The following ZNF26 variants were observed in gnomAD, a reference collection of about 807,000 sequenced individuals.
ZNF26 encodes zinc finger protein 26, also known as epididymis luminal protein 179.
ZNF26 carries 32 observed loss-of-function variants against 54.9 expected under a neutral mutation model. That is an observed-to-expected ratio of 0.58 (90% confidence interval 0.44 to 0.78). The LOEUF is 0.78. ZNF26 is among the 30% of genes least tolerant of loss of function. ZNF26 has a pLI of 0.00. For synonymous variants in ZNF26, 221 were observed against 209.2 expected, an observed-to-expected ratio of 1.06 and a Z score of -0.49; for missense variants, 524 against 634.0, an observed-to-expected ratio of 0.83 and a Z score of 1.86.
At chr12:133,006,321 A>G (rs1953325736) in intron 1 of ZNF26, 1 of 984,938 alleles carries the variant, frequency 1.0e-6, no homozygotes, top group Non-Finnish European at 1.2e-6. Flanking sequence ...TCGTCCAAAC[A>G]CCTCCTGAAT....
At position 133,023,712 on chromosome 12, in the gene ZNF26, C is replaced by T. The variant is rs2137287224; in HGVS notation, c.*12231C>T. 1 of 152,330 alleles carries T rather than the reference C, an allele frequency of 6.6e-6. No homozygotes were observed. The highest frequency in any genetic ancestry group is 1.5e-5 in the Non-Finnish European group (1 of 68,034). The allele number at this position is 152,330 out of a possible 1,614,324, so 9.4% of individuals were successfully genotyped here. On this transcript the variant is annotated 3_prime_UTR_variant, in exon 4 of 4. Coordinates refer to ENST00000328654, the MANE Select transcript of ZNF26 (RefSeq NM_019591.4). ...GCCACTCCTCCCACTTATAGTCTTG[C>T]CCCATCCTTTGAGTTTTGTTGGCTT...
At chr12:133,004,036 A>G (rs1417923836) in intron 1 of ZNF26, among the ~76,000 whole-genome samples, 2 of 151,932 alleles carry the variant, frequency 1.3e-5, no homozygotes, top group Non-Finnish European at 2.9e-5. Context: ...TTATTTTCTA[A>G]TTTGTATTTT....
chr12:132,989,598 A>T (rs894088136), intron 1 of ZNF26, among the ~76,000 whole-genome samples: 17 of 152,328 alleles, frequency 1.1e-4, no homozygotes, highest in Middle Eastern at 3.4e-3. Context: ...AGGTAATTTT[A>T]TACAGTATTT....
chr12:132,994,107 A>ATTCT (rs1374303377), intron 1 of ZNF26, among the ~76,000 whole-genome samples: 1 of 152,174 alleles, frequency 6.6e-6, no homozygotes, highest in East Asian at 1.9e-4. Flanking sequence ...AAAACTCAGA[A>ATTCT]AAGCTTGGGA....
At chr12:132,989,194 G>A (rs1256506296) in intron 1 of ZNF26, among the ~76,000 whole-genome samples, 4 of 151,782 alleles carry the variant, frequency 2.6e-5, no homozygotes, top group Non-Finnish European at 4.4e-5. Flanking sequence ...GTGCCACCAC[G>A]CCCATCTAAT....
intron 1 of ZNF26, among the ~76,000 whole-genome samples, chr12:132,992,402 CT>C (rs1349845021): frequency 6.6e-6 from 1 of 151,516 alleles, no homozygotes; most frequent in Non-Finnish European, 1.5e-5. Flanking sequence ...TCATCTCTGG[CT>C]TATCTTTGAT....
chr12:133,011,004 T>C lies in ZNF26; in HGVS notation c.1125T>C (p.Cys375=). ...ATAATCCTTATCAATGCGGTGAATG[T>C]GGGAAAGCCTTTGGTAGGAAGGAAC... ...TGNNPYQCGE[C]GKAFGRKEQL... is the part of the protein sequence containing the mutation. Residue 375 remains cysteine (C), a synonymous_variant, in exon 4 of 4, where the codon TGT becomes TGC. Coordinates refer to ENST00000328654, the MANE Select transcript of ZNF26 (RefSeq NM_019591.4). 1.2e-6 allele frequency: 2 copies of C among 1,614,178 alleles called. No homozygotes were observed. The highest frequency in any genetic ancestry group is 1.7e-6 in the Non-Finnish European group (2 of 1,180,034).
intron 3 of ZNF26, among the ~76,000 whole-genome samples, chr12:133,007,994 C>T (rs1461054451): frequency 6.6e-6 from 1 of 152,160 alleles, no homozygotes; most frequent in African/African-American, 2.4e-5. Context: ...TGACTTTACA[C>T]ACCTTATACT....
rs1953636689 is a variant in ZNF26 at position 133,021,228 on chromosome 12, C to T, written c.*9747C>T. 1 of 150,768 alleles carries T rather than the reference C, an allele frequency of 6.6e-6. No individual in the cohort carries two copies. The highest frequency in any genetic ancestry group is 1.5e-5 in the Non-Finnish European group (1 of 67,916). 9.3% of individuals were successfully genotyped at this position (150,768 alleles called of 1,614,324 possible). On this transcript the variant is annotated 3_prime_UTR_variant, in exon 4 of 4. Coordinates refer to ENST00000328654, the MANE Select transcript of ZNF26 (RefSeq NM_019591.4). ...CTGCCTCCCGGGTTCAAGTGATTCT[C>T]CAGCCTCAGCCTCCTGGGTTCAAGT...
chr12:133,004,212 T>C (rs1231145409), intron 1 of ZNF26, among the ~76,000 whole-genome samples: 2 of 152,210 alleles, frequency 1.3e-5, no homozygotes, highest in Non-Finnish European at 2.9e-5. Flanking sequence ...TTGATTGTCT[T>C]TAAGTTGTTC....
chr12:133,007,736 G>T (rs911518723), intron 3 of ZNF26, among the ~76,000 whole-genome samples: 4 of 152,172 alleles, frequency 2.6e-5, no homozygotes, highest in Admixed American at 2.0e-4. Flanking sequence ...CCCCCTTACT[G>T]TTGAGAGGCA....
chr12:133,011,291 T>TA lies in ZNF26; in HGVS notation c.1413dup (p.His472ThrfsTer12). ...TACCCTAGGAAGGCATCACTTCAGA[T>TA]ACACCAGAAAACTCATTCGGGAGAG... On this transcript the variant is annotated frameshift_variant, in exon 4 of 4. Coordinates refer to ENST00000328654, the MANE Select transcript of ZNF26 (RefSeq NM_019591.4). LOFTEE classifies it high-confidence loss of function. 6.2e-7 allele frequency: 1 copy of TA among 1,614,096 alleles called. No individual in the cohort carries two copies. Among genetic ancestry groups the TA allele is most frequent in the East Asian group, 2.2e-5 (1 of 44,880 alleles).
chr12:132,987,036 C>T (rs1462782491), intron 1 of ZNF26, among the ~76,000 whole-genome samples, 163 bp downstream of exon 1: 1 of 152,144 alleles, frequency 6.6e-6, no homozygotes, highest in African/African-American at 2.4e-5. Flanking sequence ...CTGAAGCTCG[C>T]CCAAGCTCTG....
rs1283722782 is a variant in ZNF26, at chr12:133,016,060, G to A, written c.*4579G>A. 1 of 147,002 alleles carries A rather than the reference G, an allele frequency of 6.8e-6. No individual in the cohort carries two copies. The highest frequency in any genetic ancestry group is 1.5e-5 in the Non-Finnish European group (1 of 67,448). 9.1% of individuals were successfully genotyped at this position (147,002 alleles called of 1,614,324 possible). A position where few individuals can be genotyped will look rare whatever the true frequency, so the allele number is the denominator to read the frequency against. ...GATCTAAGGTTTATTGTGAAAAAGT[G>A]TAGGGGTAATTTTTTTTTTTTTTTT... is the stretch of plus-strand genomic sequence containing the variant. On this transcript the variant is annotated 3_prime_UTR_variant, in exon 4 of 4. Transcript: ENST00000328654.
chr12:133,018,278 A>G lies in ZNF26; in HGVS notation c.*6797A>G, dbSNP rs1372712488. On this transcript the variant is annotated 3_prime_UTR_variant, in exon 4 of 4. Transcript: ENST00000328654. Reference sequence around the variant, plus strand: ...TCTCTCAGCCTCTTTAAATTATAAAATATATAAAGCAATATTTATAGCAAT... The same window carrying G: ...TCTCTCAGCCTCTTTAAATTATAAAGTATATAAAGCAATATTTATAGCAAT... 2 of 152,220 alleles carry G rather than the reference A, an allele frequency of 1.3e-5. No individual in the cohort carries two copies. Among genetic ancestry groups the G allele is most frequent in the Non-Finnish European group, 2.9e-5 (2 of 68,036 alleles). 9.4% of individuals were successfully genotyped at this position (152,220 alleles called of 1,614,324 possible). A position where few individuals can be genotyped will look rare whatever the true frequency, so the allele number is the denominator to read the frequency against.
rs1953508597 is a variant in ZNF26, at chr12:133,012,666, C to T, written c.*1185C>T. 7.8e-6 allele frequency: 1 copy of T among 128,198 alleles called. No individual in the cohort carries two copies. Among genetic ancestry groups the T allele is most frequent in the Non-Finnish European group, 1.6e-5 (1 of 63,644 alleles). The allele number at this position is 128,198 out of a possible 1,614,324, so 7.9% of individuals were successfully genotyped here. A position where few individuals can be genotyped will look rare whatever the true frequency, so the allele number is the denominator to read the frequency against. ...GGAATGCAATGGCATGATCTCAGCT[C>T]ACTGCAACTTCCACCTCCTGGGTTC... On this transcript the variant is annotated 3_prime_UTR_variant, in exon 4 of 4. Transcript: ENST00000328654.
chr12:132,994,405 C>G (rs1455378849), intron 1 of ZNF26, among the ~76,000 whole-genome samples: 1 of 152,156 alleles, frequency 6.6e-6, no homozygotes, highest in African/African-American at 2.4e-5. Flanking sequence ...GTGGCTACTT[C>G]CAAACTCTTT....
rs1953647907 is a variant in ZNF26, at chr12:133,021,878, A to G, written c.*10397A>G. On this transcript the variant is annotated 3_prime_UTR_variant, in exon 4 of 4. Transcript: ENST00000328654. ...TTCATTATCATTGTGTAAATTCTAT[A>G]TTACTTTTTAAACTTTCATGTTTTG... The G allele has an allele frequency of 6.6e-6, 1 of 152,186 alleles. No homozygotes were observed. Among genetic ancestry groups the G allele is most frequent in the Non-Finnish European group, 1.5e-5 (1 of 68,034 alleles). 9.4% of individuals were successfully genotyped at this position (152,186 alleles called of 1,614,324 possible). A position where few individuals can be genotyped will look rare whatever the true frequency, so the allele number is the denominator to read the frequency against.
Position 133,016,199 on chromosome 12 carries a change from A to G in ZNF26, c.*4718A>G, listed in dbSNP as rs2137272718. ...GTGATTCTCCTGCCTCAGCCTCCTG[A>G]GTAGCTGGGATTACAGGCACCTGCC... On this transcript the variant is annotated 3_prime_UTR_variant, in exon 4 of 4. Coordinates refer to ENST00000328654, the MANE Select transcript of ZNF26 (RefSeq NM_019591.4). The G allele has an allele frequency of 6.7e-6, 1 of 149,396 alleles. No homozygotes were observed. The highest frequency in any genetic ancestry group is 6.8e-5 in the Admixed American group (1 of 14,786). 9.3% of individuals were successfully genotyped at this position (149,396 alleles called of 1,614,324 possible).
Sources: allele counts gnomAD v4.1 joint callset (sites outside exome capture counted in the v4.1 genomes callset), GRCh38; gene constraint gnomAD v4.1.1; transcripts MANE v1.5; gene names NCBI Gene and HGNC (gene_info 2026-07-23, HGNC 2026-07-21).